The following AKT3 variants were observed in gnomAD, a reference collection of about 807,000 sequenced individuals.
The protein encoded by AKT3 is RAC-gamma serine/threonine-protein kinase.
AKT3 carries 15 observed loss-of-function variants against 65.3 expected under a neutral mutation model. That is an observed-to-expected ratio of 0.23 (90% CI 0.15 to 0.35). AKT3 has a LOEUF of 0.35. AKT3 is among the 10% of genes least tolerant of loss of function. The probability of loss-of-function intolerance (pLI) is 1.00; values close to 1 mark genes in which losing one functional copy is unlikely to be tolerated. For missense variants in AKT3, 243 were observed against 576.5 expected (o/e 0.42, Z 5.92); for synonymous variants, 206 against 183.8 (o/e 1.12, Z -0.98).
At chr1:243,743,674 T>C (rs903520661) in intron 2 of AKT3, among the ~76,000 whole-genome samples, 1 of 152,160 alleles carries the variant, frequency 6.6e-6, no homozygotes. Flanking sequence ...ATAGTAAATA[T>C]ATGAAAAAGA....
At chr1:243,585,642 G>T (rs1675743105) in intron 8 of AKT3, among the ~76,000 whole-genome samples, 1 of 152,064 alleles carries the variant, frequency 6.6e-6, no homozygotes, top group Admixed American at 6.5e-5. Context: ...AATGGGGAAA[G>T]GACTCCTTAT....
chr1:243,675,474 T>G (rs960941945), intron 3 of AKT3, among the ~76,000 whole-genome samples: 3 of 152,210 alleles, frequency 2.0e-5, no homozygotes, highest in African/African-American at 7.2e-5. Flanking sequence ...GTGCTAGGAT[T>G]ACAGGCGTGA....
At chr1:243,524,130 A>T (rs895733015) in intron 12 of AKT3, among the ~76,000 whole-genome samples, 1 of 152,254 alleles carries the variant, frequency 6.6e-6, no homozygotes, top group African/African-American at 2.4e-5. Context: ...TTGTGTATCT[A>T]AATGTAGAAA....
chr1:243,600,935 G>T (rs897511659), intron 8 of AKT3, among the ~76,000 whole-genome samples: 4 of 152,082 alleles, frequency 2.6e-5, no homozygotes, highest in Non-Finnish European at 2.9e-5. Context: ...TGAGAGTGAG[G>T]GGAGAGAATT....
chr1:243,806,488 C>T (rs868025296), intron 2 of AKT3, among the ~76,000 whole-genome samples: 5 of 152,190 alleles, frequency 3.3e-5, no homozygotes, highest in African/African-American at 1.2e-4. Flanking sequence ...AAAGCATTAA[C>T]TGACTACACC....
At chr1:243,715,877 T>C (rs1169519406) in intron 2 of AKT3, among the ~76,000 whole-genome samples, 1 of 152,078 alleles carries the variant, frequency 6.6e-6, no homozygotes, top group Non-Finnish European at 1.5e-5. Context: ...CATTTAGTGA[T>C]AATACTTAGG....
intron 2 of AKT3, among the ~76,000 whole-genome samples, chr1:243,764,993 T>C (rs974516133): frequency 2.6e-5 from 4 of 152,166 alleles, no homozygotes; most frequent in Non-Finnish European, 5.9e-5. Flanking sequence ...CTGAATAATG[T>C]AAATTCATTT....
intron 2 of AKT3, among the ~76,000 whole-genome samples, chr1:243,782,764 A>G (rs943190760): frequency 2.0e-5 from 3 of 152,160 alleles, no homozygotes; most frequent in African/African-American, 7.2e-5. Context: ...ACCATACACA[A>G]TACACGTATG....
intron 12 of AKT3, among the ~76,000 whole-genome samples, chr1:243,527,471 C>T (rs1671186637): frequency 1.3e-5 from 2 of 152,110 alleles, no homozygotes; most frequent in African/African-American, 4.8e-5. Flanking sequence ...TTATATAATA[C>T]TTATATAATT....
chr1:243,551,550 C>T (rs933683484), intron 11 of AKT3, among the ~76,000 whole-genome samples: 1 of 151,592 alleles, frequency 6.6e-6, no homozygotes, highest in Non-Finnish European at 1.5e-5. Flanking sequence ...TTGGGATTCA[C>T]TCATTAACCC....
intron 12 of AKT3, among the ~76,000 whole-genome samples, chr1:243,521,031 G>C (rs1670687742): frequency 6.6e-6 from 1 of 152,158 alleles, no homozygotes; most frequent in Admixed American, 6.5e-5. Context: ...GAAGGTAAGA[G>C]ATTCCACAGA....
At chr1:243,831,277 A>G (rs1260900772) in intron 2 of AKT3, among the ~76,000 whole-genome samples, 1 of 152,240 alleles carries the variant, frequency 6.6e-6, no homozygotes, top group East Asian at 1.9e-4. Flanking sequence ...GGAGGTTACA[A>G]TGGAAAGGAG....
At chr1:243,499,709 T>C (rs769978207), downstream of AKT3, 34 of 1,434,792 alleles carry the variant, frequency 2.4e-5, no homozygotes, top group South Asian at 3.1e-4. Context: ...ACAAATAACA[T>C]TGAAGAACAT....
At chr1:243,636,494 A>C (rs1216102073) in intron 6 of AKT3, among the ~76,000 whole-genome samples, 2 of 152,038 alleles carry the variant, frequency 1.3e-5, no homozygotes, top group African/African-American at 4.8e-5. Context: ...TAGGATGCTA[A>C]ATACCTTACA....
At position 243,553,829 on chromosome 1, in the gene AKT3, A is replaced by G. The variant is rs529865140; in HGVS notation, c.949-886T>C. Reference sequence around the variant, plus strand: ...TTTTATCAGATTTGTTCTTCATCCAATGGAATATTCCTCATCTATATGCAA... The same window carrying G: ...TTTTATCAGATTTGTTCTTCATCCAGTGGAATATTCCTCATCTATATGCAA... On this transcript the variant is annotated intron_variant, in intron 10 of 13. Coordinates refer to ENST00000673466, the MANE Select transcript of AKT3 (RefSeq NM_005465.7). Among the ~76,000 whole-genome samples the G allele has an allele frequency of 5.9e-5, 9 of 152,290 alleles. No homozygotes were observed. In the East Asian group the frequency reaches 1.7e-3, roughly 29 times the overall value.
At chr1:243,845,588 C>CAAAAAAAAAAAAAA (rs10648820) in intron 1 of AKT3, among the ~76,000 whole-genome samples, 8 of 79,342 alleles carry the variant, frequency 1.0e-4, no homozygotes, top group African/African-American at 3.0e-4. Flanking sequence ...GAACCTGTCT[C>CAAAAAAAAAAAAAA]AAAAAAAAAA....
intron 1 of AKT3, among the ~76,000 whole-genome samples, chr1:243,844,438 G>A (rs1028601926): frequency 6.6e-6 from 1 of 152,194 alleles, no homozygotes; most frequent in Non-Finnish European, 1.5e-5. Context: ...GGAAGACAAT[G>A]CAAATAACAA....
At chr1:243,615,669 C>T (rs1313475539) in intron 6 of AKT3, among the ~76,000 whole-genome samples, 2 of 152,096 alleles carry the variant, frequency 1.3e-5, no homozygotes, top group Non-Finnish European at 2.9e-5. Context: ...CTAAATTACA[C>T]ATTTTAGAAA....
intron 3 of AKT3, among the ~76,000 whole-genome samples, chr1:243,692,525 G>A (rs1684759155): frequency 2.6e-5 from 4 of 151,128 alleles, no homozygotes; most frequent in South Asian, 4.2e-4. Flanking sequence ...CTGAGGTCAC[G>A]AGTTTGAGAC....
Sources: allele counts gnomAD v4.1 joint callset (sites outside exome capture counted in the v4.1 genomes callset), GRCh38; gene constraint gnomAD v4.1.1; transcripts MANE v1.5; gene names NCBI Gene and HGNC (gene_info 2026-07-23, HGNC 2026-07-21).